Variants in UST observed in about 807,000 individuals in gnomAD.
UST encodes chondroitin sulfate 2-O-sulfotransferase.
UST carries 21 observed loss-of-function variants against 45.6 expected under a neutral mutation model. The ratio of observed to expected loss-of-function variants is 0.46; its 90% CI spans 0.33 to 0.66. UST has a LOEUF of 0.66. UST is among the 30% of genes least tolerant of loss of function. UST has a pLI of 0.02. For synonymous variants in UST, 215 were observed against 200.6 expected, an observed-to-expected ratio of 1.07 and a Z score of -0.61; for missense variants, 463 against 512.4, an observed-to-expected ratio of 0.90 and a Z score of 0.93.
intron 1 of UST, among the ~76,000 whole-genome samples, chr6:148,885,555 G>A (rs1304970662): frequency 2.6e-5 from 4 of 152,166 alleles, no homozygotes; most frequent in Non-Finnish European, 4.4e-5. Context: ...GGCATGCTGG[G>A]TGTTTGTGTT....
rs1776857001 is a variant in UST at position 149,074,085 on chromosome 6, A to G, written c.1190A>G (p.Glu397Gly). The G allele has an allele frequency of 6.2e-7, 1 of 1,614,214 alleles. No homozygotes were observed. The highest frequency in any genetic ancestry group is 8.5e-7 in the Non-Finnish European group (1 of 1,180,020). ...EPIDDEEQDD[E>G]KWLEDIYKR ...ATCGACGATGAAGAACAGGATGATGAAAAGTGGCTGGAAGATATTTATAAG... is the reference window on the plus strand; with the variant it reads ...ATCGACGATGAAGAACAGGATGATGGAAAGTGGCTGGAAGATATTTATAAG... The change falls in exon 8 of 8, where the codon GAA (glutamate) becomes GGA (glycine). Residue 397 changes from glutamate (E) to glycine (G), a missense_variant. Glu to Gly is a moderately conservative substitution (Grantham distance 98). Transcript: ENST00000367463.
At chr6:148,810,561 C>T (rs1003502814) in intron 1 of UST, among the ~76,000 whole-genome samples, 1 of 152,182 alleles carries the variant, frequency 6.6e-6, no homozygotes, top group Non-Finnish European at 1.5e-5. Flanking sequence ...TAAAATCCAT[C>T]CTGCTATTTG....
intron 5 of UST, chr6:148,993,146 G>T: frequency 1.2e-6 from 1 of 867,616 alleles, no homozygotes; most frequent in Non-Finnish European, 1.4e-6. Context: ...CAGTAAGTTC[G>T]ATTTCTACAT....
At chr6:148,914,712 T>C (rs957538641) in intron 2 of UST, among the ~76,000 whole-genome samples, 2 of 152,142 alleles carry the variant, frequency 1.3e-5, no homozygotes, top group Non-Finnish European at 2.9e-5. Flanking sequence ...ACCACTCACC[T>C]CTTTCTGTGC....
intron 2 of UST, among the ~76,000 whole-genome samples, chr6:148,921,793 A>G (rs970314871): frequency 6.6e-5 from 10 of 152,112 alleles, no homozygotes; most frequent in African/African-American, 2.2e-4. Flanking sequence ...GCCACTCCCC[A>G]TGGTCTGGTG....
intron 1 of UST, among the ~76,000 whole-genome samples, chr6:148,840,034 G>C (rs1048143960): frequency 1.3e-5 from 2 of 152,148 alleles, no homozygotes; most frequent in Non-Finnish European, 2.9e-5. Flanking sequence ...GTCTGAGTCG[G>C]ACTCCAGTCA....
At chr6:148,939,492 A>G (rs557865239) in intron 2 of UST, among the ~76,000 whole-genome samples, 88 of 152,350 alleles carry the variant, frequency 5.8e-4, no homozygotes, top group Admixed American at 1.1e-3. Flanking sequence ...TGGTACTGAC[A>G]TGAGTATAAA....
chr6:149,063,123 C>T (rs920372578), intron 7 of UST, among the ~76,000 whole-genome samples: 2 of 152,214 alleles, frequency 1.3e-5, no homozygotes, highest in African/African-American at 4.8e-5. Flanking sequence ...GTCCCTGCCA[C>T]TCCCTCCCCA....
chr6:148,866,161 T>TATTTAGTGATAACTAAATAA (rs1189874627), intron 1 of UST, among the ~76,000 whole-genome samples: 15 of 97,082 alleles, frequency 1.5e-4, no homozygotes, highest in Admixed American at 3.3e-4. Context: ...TAACTAAATA[T>TATTTAGTGATAACTAAATAA]ATTTAGTGAT....
intron 1 of UST, among the ~76,000 whole-genome samples, chr6:148,830,744 A>T (rs1777668378): frequency 6.6e-6 from 1 of 152,366 alleles, no homozygotes; most frequent in East Asian, 1.9e-4. Flanking sequence ...CATTTGAAGT[A>T]CCTAGAGTAG....
At chr6:149,045,429 T>C (rs912970269) in intron 7 of UST, among the ~76,000 whole-genome samples, 2 of 152,160 alleles carry the variant, frequency 1.3e-5, no homozygotes, top group Non-Finnish European at 2.9e-5. Context: ...GTAATTGTGG[T>C]TTTTGTCATG....
At chr6:149,010,096 T>C (rs569786783) in intron 5 of UST, among the ~76,000 whole-genome samples, 73 of 152,258 alleles carry the variant, frequency 4.8e-4, no homozygotes, top group African/African-American at 1.7e-3. Context: ...ATTTTTCCTA[T>C]AGTTACATAT....
At chr6:148,868,490 A>C (rs1462034295) in intron 1 of UST, among the ~76,000 whole-genome samples, 1 of 152,224 alleles carries the variant, frequency 6.6e-6, no homozygotes, top group Non-Finnish European at 1.5e-5. Flanking sequence ...AAGACCGTGA[A>C]TATTTCTAGA....
chr6:148,858,535 A>G (rs1223716722), intron 1 of UST, among the ~76,000 whole-genome samples: 3 of 151,286 alleles, frequency 2.0e-5, no homozygotes, highest in South Asian at 2.1e-4. Flanking sequence ...TCTAGGGTAC[A>G]TGTGCACAAT....
intron 1 of UST, among the ~76,000 whole-genome samples, chr6:148,876,151 C>T (rs115787926): frequency 0.017 from 2,564 of 152,014 alleles, 71 homozygotes; most frequent in African/African-American, 0.058. Flanking sequence ...TGGCAGAAGG[C>T]GAAGGGAGAG....
intron 7 of UST, among the ~76,000 whole-genome samples, chr6:149,022,555 G>A (rs532875912): frequency 2.6e-5 from 4 of 152,148 alleles, no homozygotes; most frequent in Middle Eastern, 3.4e-3. Flanking sequence ...AGCCAAGATC[G>A]CGCCACTGCA....
At chr6:149,032,887 G>A (rs1254107914) in intron 7 of UST, among the ~76,000 whole-genome samples, 1 of 152,194 alleles carries the variant, frequency 6.6e-6, no homozygotes, top group South Asian at 2.1e-4. Flanking sequence ...GTGTTTGGAG[G>A]TGAATTTTTT....
chr6:148,907,949 C>G (rs1779398048), intron 2 of UST, among the ~76,000 whole-genome samples: 1 of 130,864 alleles, frequency 7.6e-6, no homozygotes, highest in Non-Finnish European at 1.6e-5. Context: ...TGCTCTGTCA[C>G]CCAGCCTTGA....
chr6:148,756,031 G>A (rs1246969734), intron 1 of UST, among the ~76,000 whole-genome samples: 6 of 112,074 alleles, frequency 5.4e-5, no homozygotes, highest in East Asian at 2.6e-4. Context: ...GACAGGCCCC[G>A]GTGTGTGATG....
Sources: allele counts gnomAD v4.1 joint callset (sites outside exome capture counted in the v4.1 genomes callset), GRCh38; gene constraint gnomAD v4.1.1; transcripts MANE v1.5; gene names NCBI Gene and HGNC (gene_info 2026-07-23, HGNC 2026-07-21).